SGCD: variants seen among roughly 807,000 people sequenced by gnomAD.
SGCD encodes delta-sarcoglycan.
A neutral mutation model predicts 36.6 loss-of-function variants in SGCD; 18 were observed. That is an observed-to-expected ratio of 0.49 (90% CI 0.34 to 0.73). The LOEUF is 0.73. Among genes scored for constraint, SGCD ranks in the 30% least tolerant of loss-of-function variants. SGCD has a pLI of 0.01. For synonymous variants in SGCD, 133 were observed against 130.6 expected, an observed-to-expected ratio of 1.02 and a Z score of -0.12; for missense variants, 387 against 346.7, an observed-to-expected ratio of 1.12 and a Z score of -0.92.
At chr5:156,548,702 C>T (rs1395823607) in intron 4 of SGCD, among the ~76,000 whole-genome samples, 1 of 152,000 alleles carries the variant, frequency 6.6e-6, no homozygotes, top group African/African-American at 2.4e-5. Context: ...GCAATGTGTG[C>T]AGAGTGCTGA....
intron 3 of SGCD, among the ~76,000 whole-genome samples, chr5:156,361,936 C>T (rs1769815495): frequency 6.6e-6 from 1 of 152,096 alleles, no homozygotes; most frequent in African/African-American, 2.4e-5. Flanking sequence ...CATTTGCCTC[C>T]CTGGAAAGGC....
chr5:156,216,944 T>G (rs940422356), intron 3 of SGCD, among the ~76,000 whole-genome samples: 2 of 152,084 alleles, frequency 1.3e-5, no homozygotes, highest in African/African-American at 2.4e-5. Flanking sequence ...GCAAGCATGG[T>G]GGCTGGAGCC....
chr5:156,293,389 T>C (rs956878636), intron 3 of SGCD, among the ~76,000 whole-genome samples: 1 of 152,176 alleles, frequency 6.6e-6, no homozygotes, highest in African/African-American at 2.4e-5. Context: ...CAAGAAAGCA[T>C]TGCCAATTTC....
At chr5:156,757,366 A>G (rs1757378849) in intron 7 of SGCD, among the ~76,000 whole-genome samples, 1 of 151,768 alleles carries the variant, frequency 6.6e-6, no homozygotes, top group Non-Finnish European at 1.5e-5. Flanking sequence ...GGATCCTAGA[A>G]CACTTTCCTT....
chr5:155,809,364 A>G, the SGCD span, among the ~76,000 whole-genome samples: 1 of 152,232 alleles, frequency 6.6e-6, no homozygotes, highest in African/African-American at 2.4e-5. Flanking sequence ...TGTATTTAAA[A>G]TCATTGAGAT....
intron 1 of SGCD, among the ~76,000 whole-genome samples, chr5:155,910,157 T>C (rs1462675193): frequency 1.3e-5 from 2 of 152,166 alleles, no homozygotes; most frequent in East Asian, 1.9e-4. Flanking sequence ...GTGGCCTAGA[T>C]CTGCCATCAC....
chr5:156,757,925 T>C (rs1757403104), intron 8 of SGCD: 1 of 1,308,724 alleles, frequency 7.6e-7, no homozygotes. Flanking sequence ...GATAATGGCA[T>C]GTATTCCAAG....
chr5:156,674,607 C>G (rs1438304281), intron 7 of SGCD, among the ~76,000 whole-genome samples: 2 of 152,256 alleles, frequency 1.3e-5, no homozygotes, highest in East Asian at 3.9e-4. Flanking sequence ...TGTCAAGCAT[C>G]AGAAGGAGAG....
intron 4 of SGCD, among the ~76,000 whole-genome samples, chr5:156,569,999 T>C (rs989719217): frequency 6.6e-6 from 1 of 152,106 alleles, no homozygotes. Context: ...AGGATTTTTT[T>C]CCCCCATGAG....
At chr5:155,821,047 C>T in the SGCD span, among the ~76,000 whole-genome samples, 4 of 152,072 alleles carry the variant, frequency 2.6e-5, no homozygotes, top group Admixed American at 2.6e-4. Context: ...TAAATCTTAA[C>T]TTTTATTGGT....
At chr5:156,196,416 T>C (rs1201064474) in intron 3 of SGCD, among the ~76,000 whole-genome samples, 3 of 152,222 alleles carry the variant, frequency 2.0e-5, no homozygotes, top group Non-Finnish European at 4.4e-5. Flanking sequence ...CATAGTATTA[T>C]CATGCTGTTT....
intron 3 of SGCD, among the ~76,000 whole-genome samples, chr5:156,357,256 C>G (rs1474651768): frequency 6.6e-6 from 1 of 152,202 alleles, no homozygotes; most frequent in Non-Finnish European, 1.5e-5. Context: ...ACTATTATCT[C>G]CTCTTTCTAT....
chr5:156,116,243 A>G (rs1351629332), intron 1 of SGCD, among the ~76,000 whole-genome samples: 5 of 152,012 alleles, frequency 3.3e-5, no homozygotes, highest in Admixed American at 2.6e-4. Context: ...TCTTAGTATT[A>G]TTATGATCTC....
intron 4 of SGCD, among the ~76,000 whole-genome samples, chr5:156,566,858 T>A (rs570778346): frequency 6.6e-6 from 1 of 152,238 alleles, no homozygotes; most frequent in East Asian, 1.9e-4. Context: ...AAAAAGGAAA[T>A]TGAAAGGAAA....
intron 1 of SGCD, among the ~76,000 whole-genome samples, chr5:156,053,958 C>T (rs958154854): frequency 2.1e-5 from 3 of 145,438 alleles, no homozygotes; most frequent in Non-Finnish European, 3.1e-5. Context: ...ATTCCATTGA[C>T]GAGGGTAGAG....
At chr5:155,901,243 C>T (rs981303334) in intron 1 of SGCD, among the ~76,000 whole-genome samples, 5 of 150,320 alleles carry the variant, frequency 3.3e-5, no homozygotes, top group South Asian at 4.2e-4. Context: ...ACCCGGGAGG[C>T]GGAGGTTGCA....
chr5:156,521,141 G>A, intron 4 of SGCD, among the ~76,000 whole-genome samples: 1 of 152,088 alleles, frequency 6.6e-6, no homozygotes, highest in Non-Finnish European at 1.5e-5. Flanking sequence ...GACAGAACTG[G>A]CTAGCCATAT....
At chr5:156,088,494 T>G (rs1181475973) in intron 1 of SGCD, among the ~76,000 whole-genome samples, 2 of 88,790 alleles carry the variant, frequency 2.3e-5, no homozygotes, top group Admixed American at 1.0e-4. Context: ...AATAAGGGTT[T>G]GTTTGTTTGT....
the SGCD span, among the ~76,000 whole-genome samples, chr5:155,740,368 A>G: frequency 6.6e-6 from 1 of 152,216 alleles, no homozygotes; most frequent in Admixed American, 6.6e-5. Context: ...CTTGATGTTG[A>G]GAAAATATTT....
Sources: allele counts gnomAD v4.1 joint callset (sites outside exome capture counted in the v4.1 genomes callset), GRCh38; gene constraint gnomAD v4.1.1; transcripts MANE v1.5; gene names NCBI Gene and HGNC (gene_info 2026-07-23, HGNC 2026-07-21).